Variants in GRIK4 observed in about 807,000 individuals in gnomAD.
GRIK4 encodes glutamate ionotropic receptor kainate type subunit 4.
GRIK4 carries 40 observed loss-of-function variants against 104.9 expected under a neutral mutation model. The ratio of observed to expected loss-of-function variants is 0.38; its 90% CI spans 0.30 to 0.50. The LOEUF (loss-of-function observed/expected upper bound fraction) is 0.50, where lower values mean the gene tolerates loss of function less well. GRIK4 is among the 20% of genes least tolerant of loss of function. The pLI is 0.93. For synonymous variants in GRIK4, 485 were observed against 524.9 expected, an observed-to-expected ratio of 0.92 and a Z score of 1.04; for missense variants, 1,047 against 1,308.1, an observed-to-expected ratio of 0.80 and a Z score of 3.08.
At chr11:120,585,273 C>G (rs1428358117) in intron 1 of GRIK4, among the ~76,000 whole-genome samples, 1 of 152,164 alleles carries the variant, frequency 6.6e-6, no homozygotes, top group Non-Finnish European at 1.5e-5. Context: ...CATGGGTACA[C>G]ACATATCTCT....
In GRIK4 at chr11:120,744,726, G is replaced by A. The variant is rs116524994; in HGVS notation, c.83-57967G>A. Reference sequence around the variant, plus strand: ...GAGATTTATGTGGAAGTTAGTGCTGGAAAAAGCAACAGTTCTATGTAGAAT... The same window carrying A: ...GAGATTTATGTGGAAGTTAGTGCTGAAAAAAGCAACAGTTCTATGTAGAAT... On this transcript the variant is annotated intron_variant, in intron 3 of 20. Transcript: ENST00000527524. Among the ~76,000 whole-genome samples, 1,082 of 152,302 alleles carry A rather than the reference G, an allele frequency of 7.1e-3. 13 individuals are homozygous for A. The highest frequency in any genetic ancestry group is 0.025 in the African/African-American group (1,042 of 41,558).
chr11:120,585,929 G>A (rs1466522161), intron 1 of GRIK4, among the ~76,000 whole-genome samples: 1 of 152,132 alleles, frequency 6.6e-6, no homozygotes, highest in Admixed American at 6.5e-5. Flanking sequence ...AGATGGGAGG[G>A]TCTTGGAGAG....
chr11:120,757,764 T>C (rs1951678075), intron 3 of GRIK4, among the ~76,000 whole-genome samples: 1 of 152,106 alleles, frequency 6.6e-6, no homozygotes, highest in Non-Finnish European at 1.5e-5. Context: ...GGAGGAGAGT[T>C]TGGATTGGGG....
intron 1 of GRIK4, among the ~76,000 whole-genome samples, chr11:120,639,288 G>T (rs577458630): frequency 4.6e-5 from 7 of 152,334 alleles, no homozygotes; most frequent in Admixed American, 2.0e-4. Context: ...CTAAGATTCA[G>T]CTGCATCAGG....
chr11:120,879,143 A>G (rs1042485016), intron 11 of GRIK4, among the ~76,000 whole-genome samples: 16 of 152,204 alleles, frequency 1.1e-4, no homozygotes, highest in African/African-American at 3.4e-4. Flanking sequence ...CAGAGCTGGA[A>G]TTTATGCTCA....
At chr11:120,764,523 A>G (rs543115289) in intron 3 of GRIK4, among the ~76,000 whole-genome samples, 1 of 151,784 alleles carries the variant, frequency 6.6e-6, no homozygotes, top group East Asian at 1.9e-4. Flanking sequence ...TAGTTGATGC[A>G]GTTTCTTCAT....
chr11:120,739,982 C>T (rs749324990), intron 3 of GRIK4, among the ~76,000 whole-genome samples: 9 of 152,224 alleles, frequency 5.9e-5, no homozygotes, highest in African/African-American at 7.2e-5. Flanking sequence ...GCCCCAACCT[C>T]ATCCACCAGG....
intron 1 of GRIK4, among the ~76,000 whole-genome samples, chr11:120,600,334 T>A (rs1204146742): frequency 6.6e-6 from 1 of 152,178 alleles, no homozygotes; most frequent in African/African-American, 2.4e-5. Context: ...ATGGGAGTTT[T>A]TCCCCCCTCT....
chr11:120,918,936 ATAT>A (rs1292807627), intron 13 of GRIK4, among the ~76,000 whole-genome samples: 1 of 152,192 alleles, frequency 6.6e-6, no homozygotes, highest in African/African-American at 2.4e-5. Flanking sequence ...TACGTGATAA[ATAT>A]TATTATTCAT....
chr11:120,699,587 A>G (rs1950517942), intron 3 of GRIK4, among the ~76,000 whole-genome samples: 1 of 150,898 alleles, frequency 6.6e-6, no homozygotes, highest in Non-Finnish European at 1.5e-5. Flanking sequence ...GTGTGTACCC[A>G]TATAGTCTGT....
intron 3 of GRIK4, among the ~76,000 whole-genome samples, chr11:120,751,890 C>T (rs946345014): frequency 1.3e-5 from 2 of 152,180 alleles, no homozygotes. Context: ...CTTGCCAAGG[C>T]TGCTGTGGTA....
chr11:120,832,146 C>A, intron 7 of GRIK4, 116 bp downstream of exon 7: 1 of 623,372 alleles, frequency 1.6e-6, no homozygotes. Flanking sequence ...TGAACTCTTA[C>A]AAACCTCTCT....
intron 13 of GRIK4, among the ~76,000 whole-genome samples, chr11:120,934,336 T>C (rs1196655779): frequency 6.6e-6 from 1 of 151,806 alleles, no homozygotes; most frequent in Non-Finnish European, 1.5e-5. Flanking sequence ...TGAGAAGGCT[T>C]TGCTGTCTTC....
At chr11:120,816,491 T>C (rs754284898) in intron 5 of GRIK4, among the ~76,000 whole-genome samples, 1 of 152,062 alleles carries the variant, frequency 6.6e-6, no homozygotes, top group Non-Finnish European at 1.5e-5. Flanking sequence ...GAAGCTCTAG[T>C]CTCAGGAGGA....
chr11:120,832,670 T>C (rs1323496662), intron 7 of GRIK4, among the ~76,000 whole-genome samples: 1 of 152,176 alleles, frequency 6.6e-6, no homozygotes, highest in Non-Finnish European at 1.5e-5. Context: ...AATCAGGTAG[T>C]GTCTCCTAAG....
intron 19 of GRIK4, among the ~76,000 whole-genome samples, chr11:120,980,713 C>T (rs1944637254): frequency 6.6e-6 from 1 of 152,172 alleles, no homozygotes; most frequent in Admixed American, 6.5e-5. Flanking sequence ...CACATTCACA[C>T]AGGTACTCAA....
At chr11:120,836,727 A>T (rs980709310) in intron 7 of GRIK4, 64 bp from the exon 8 acceptor site, 1 of 1,011,850 alleles carries the variant, frequency 9.9e-7, no homozygotes, top group Non-Finnish European at 1.6e-6. Context: ...TGGAACCCCT[A>T]CTGCTCATTT....
intron 3 of GRIK4, among the ~76,000 whole-genome samples, chr11:120,700,160 A>G (rs1181886332): frequency 6.6e-6 from 1 of 151,980 alleles, no homozygotes; most frequent in Non-Finnish European, 1.5e-5. Context: ...GCTAAAATCT[A>G]CTTATTTAAC....
rs552993212 is a variant in GRIK4 at position 120,649,536 on chromosome 11, C to T, written c.-158-4149C>T. ...TTCCAGTGCTTTCCTCTGGCTTTGA[C>T]CTGAGTACCGTCACCTGGGAGTCCA... On this transcript the variant is annotated intron_variant, in intron 1 of 20. Coordinates refer to ENST00000527524, the MANE Select transcript of GRIK4 (RefSeq NM_014619.5). Among the ~76,000 whole-genome samples the T allele has an allele frequency of 2.2e-3, 336 of 152,314 alleles. 1 individual carries two copies. The highest frequency in any genetic ancestry group is 3.7e-3 in the Non-Finnish European group (253 of 68,032).
Sources: gnomAD v4.1 joint callset for allele counts (sites outside exome capture counted in the v4.1 genomes callset) on GRCh38, gnomAD v4.1.1 for gene constraint, MANE v1.5 for transcripts, NCBI Gene and HGNC (gene_info 2026-07-23, HGNC 2026-07-21) for gene names.